The following KATNIP variants were observed in gnomAD, a reference collection of about 807,000 sequenced individuals.
The protein encoded by KATNIP is katanin-interacting protein.
A neutral mutation model predicts 174.0 loss-of-function variants in KATNIP; 126 were observed. That is an observed-to-expected ratio of 0.72 (90% CI 0.63 to 0.84). The LOEUF (loss-of-function observed/expected upper bound fraction) is 0.84. KATNIP is among the 40% of genes least tolerant of loss of function. The pLI, the probability that KATNIP is intolerant of heterozygous loss-of-function variation, is 0.00. For missense variants in KATNIP, 1,958 were observed against 2,109.7 expected (o/e 0.93, Z 1.41); for synonymous variants, 810 against 835.7 (o/e 0.97, Z 0.53).
rs192196045 is a variant in KATNIP, at chr16:27,561,073, G to A, written c.7+10896G>A. ...GTCACCCAGGCTGGAGTGCAGTGGTGTGATCTTGGCTCACTGCAACCTCCG... is the reference window on the plus strand; with the variant it reads ...GTCACCCAGGCTGGAGTGCAGTGGTATGATCTTGGCTCACTGCAACCTCCG... On this transcript the variant is annotated intron_variant, in intron 1 of 27. Transcript: ENST00000261588. Among the ~76,000 whole-genome samples the A allele has an allele frequency of 3.4e-4, 52 of 151,516 alleles. 1 individual carries two copies. The highest frequency in any genetic ancestry group is 1.1e-3 in the African/African-American group (46 of 41,272).
At chr16:27,625,838 T>C (rs2076316245) in intron 3 of KATNIP, among the ~76,000 whole-genome samples, 1 of 151,840 alleles carries the variant, frequency 6.6e-6, no homozygotes, top group Non-Finnish European at 1.5e-5. Context: ...TTCATTTCTT[T>C]TCTTTTTTCT....
In KATNIP at chr16:27,557,860, T is replaced by C. The variant is rs74016092; in HGVS notation, c.7+7683T>C. 3.4e-3 allele frequency among the ~76,000 whole-genome samples: 516 copies of C among 152,354 alleles called. 6 individuals carry two copies. Among genetic ancestry groups the C allele is most frequent in the African/African-American group, 0.012 (490 of 41,578 alleles). On this transcript the variant is annotated intron_variant, in intron 1 of 27. Coordinates refer to ENST00000261588, the MANE Select transcript of KATNIP (RefSeq NM_015202.5). ...CAACATTGAAAAATGAGCAGATTTC[T>C]TATAAATACCTGATTGTGGTATTTT... is the stretch of plus-strand genomic sequence containing the variant.
chr16:27,550,165 C>G lies in KATNIP; in HGVS notation c.-6C>G. 3 of 1,612,492 alleles carry G rather than the reference C, an allele frequency of 1.9e-6. No homozygotes were observed. The highest frequency in any genetic ancestry group is 1.1e-5 in the South Asian group (1 of 90,962). On this transcript the variant is annotated 5_prime_UTR_variant, in exon 1 of 28. Transcript: ENST00000261588. ...GTTCGAGCTCCCGGAACCGCCGCCT[C>G]TAGGGATGGACGGTGAGTGTCTGTG...
chr16:27,704,243 C>G (rs1028694855), intron 12 of KATNIP, among the ~76,000 whole-genome samples: 1 of 152,044 alleles, frequency 6.6e-6, no homozygotes, highest in African/African-American at 2.4e-5. Flanking sequence ...ATATAAATAG[C>G]GTGGAAGCCC....
At chr16:27,695,894 A>G (rs1260435433) in intron 8 of KATNIP, among the ~76,000 whole-genome samples, 1 of 152,220 alleles carries the variant, frequency 6.6e-6, no homozygotes, top group Non-Finnish European at 1.5e-5. Context: ...ATCAATTTAC[A>G]GGCAATTTCA....
chr16:27,765,718 T>G (rs372239106), intron 19 of KATNIP, among the ~76,000 whole-genome samples: 3 of 152,328 alleles, frequency 2.0e-5, no homozygotes, highest in Admixed American at 1.3e-4. Flanking sequence ...GACCCAATTA[T>G]GTTTTTCACT....
intron 22 of KATNIP, among the ~76,000 whole-genome samples, chr16:27,772,230 C>T (rs1282143556): frequency 1.3e-5 from 2 of 152,180 alleles, no homozygotes; most frequent in African/African-American, 2.4e-5. Flanking sequence ...TCTGATTGCA[C>T]CACTGTACTT....
intron 2 of KATNIP, among the ~76,000 whole-genome samples, chr16:27,607,316 A>G (rs1596897955): frequency 6.6e-6 from 1 of 152,284 alleles, no homozygotes; most frequent in Admixed American, 6.5e-5. Context: ...ACCTTCAGAC[A>G]ATTTGCTTCA....
At chr16:27,658,209 G>T (rs773344836) in intron 6 of KATNIP, among the ~76,000 whole-genome samples, 1 of 152,132 alleles carries the variant, frequency 6.6e-6, no homozygotes, top group African/African-American at 2.4e-5. Context: ...ATAATTTGTC[G>T]CAATGTTTGA....
intron 2 of KATNIP, among the ~76,000 whole-genome samples, chr16:27,584,786 C>T (rs941643245): frequency 1.6e-4 from 24 of 150,594 alleles, no homozygotes; most frequent in African/African-American, 5.9e-4. Context: ...AGCGAAATTC[C>T]ATCTCAAAAA....
chr16:27,668,616 C>G (rs756503757), intron 6 of KATNIP, among the ~76,000 whole-genome samples: 1 of 152,242 alleles, frequency 6.6e-6, no homozygotes, highest in Non-Finnish European at 1.5e-5. Flanking sequence ...TACCCTGGGT[C>G]TGCCATTACT....
Position 27,721,349 on chromosome 16 carries a change from G to A in KATNIP, c.1606-209G>A, listed in dbSNP as rs539690994. On this transcript the variant is annotated intron_variant, in intron 13 of 27. Transcript: ENST00000261588. ...TGTGGCAGCTTTGTGCAGGGGGTGG[G>A]ATGGGGTCAGTAGCCTGCTGTGAAG... Among the ~76,000 whole-genome samples, 3 of 152,288 alleles carry A rather than the reference G, an allele frequency of 2.0e-5. No homozygotes were observed. In the South Asian group the frequency reaches 6.2e-4, roughly 32 times the overall value.
intron 6 of KATNIP, among the ~76,000 whole-genome samples, 154 bp downstream of exon 6, chr16:27,648,889 A>G (rs928816671): frequency 6.6e-6 from 1 of 152,148 alleles, no homozygotes; most frequent in African/African-American, 2.4e-5. Flanking sequence ...ACACAGTTTG[A>G]TGAGCAGACC....
rs2082516674 is a variant in KATNIP at position 27,776,841 on chromosome 16, ACCCCAGCCCACGCCTGGCAC to A, written c.4450-76_4450-57del. The A allele has an allele frequency of 2.2e-6, 2 of 928,884 alleles. No individual in the cohort carries two copies. Among genetic ancestry groups the A allele is most frequent in the African/African-American group, 1.6e-5 (1 of 60,998 alleles). The allele number at this position is 928,884 out of a possible 1,614,324, so 57.5% of individuals were successfully genotyped here. On this transcript the variant is annotated intron_variant, in intron 24 of 27. Transcript: ENST00000261588. The surrounding 1 kb of genome is among the most constrained non-coding windows in gnomAD (Gnocchi z 4.7). ...GGCGCTGCCTTGGGCACCACCGCTC[ACCCCAGCCCACGCCTGGCAC>A]CCCCAGCCCAGCCAAGCGCCTCTGT...
chr16:27,635,777 C>T (rs1180400096), intron 5 of KATNIP, among the ~76,000 whole-genome samples: 6 of 152,042 alleles, frequency 3.9e-5, no homozygotes, highest in Non-Finnish European at 8.8e-5. Context: ...AAACTTGCCC[C>T]CAGATAATGG....
intron 6 of KATNIP, among the ~76,000 whole-genome samples, chr16:27,673,866 A>T (rs1228195186): frequency 6.6e-6 from 1 of 152,202 alleles, no homozygotes; most frequent in African/African-American, 2.4e-5. Flanking sequence ...GTCACCTCCA[A>T]GGTACATGAG....
At position 27,628,776 on chromosome 16, in the gene KATNIP, A is replaced by C. The variant is rs138109755; in HGVS notation, c.256A>C (p.Lys86Gln). The change falls in exon 4 of 28, where the codon AAA (lysine) becomes CAA (glutamine). Residue 86 changes from lysine to glutamine, a missense_variant. Physicochemically the swap from Lys to Gln is moderately conservative, Grantham distance 53. Coordinates refer to ENST00000261588, the MANE Select transcript of KATNIP (RefSeq NM_015202.5). The part of the protein sequence containing the change: ...ANSELKSSPR[K>Q]AIHSDFSRSA... ...TTCGGAGCTGAAATCATCACCGCGGAAAGCTATTCACTCTGACTTCTCCAG... is the reference window on the plus strand; with the variant it reads ...TTCGGAGCTGAAATCATCACCGCGGCAAGCTATTCACTCTGACTTCTCCAG... 1.6e-5 allele frequency: 26 copies of C among 1,614,150 alleles called. No homozygotes were observed. Among genetic ancestry groups the C allele is most frequent in the Non-Finnish European group, 2.1e-5 (25 of 1,180,028 alleles).
At chr16:27,603,391 G>A (rs984362877) in intron 2 of KATNIP, among the ~76,000 whole-genome samples, 4 of 152,106 alleles carry the variant, frequency 2.6e-5, no homozygotes, top group African/African-American at 9.7e-5. Flanking sequence ...CTTGGCACAC[G>A]CCCAGGAATG....
In KATNIP at chr16:27,775,152, G is replaced by C. The variant is rs552590903; in HGVS notation, c.4449+68G>C. On this transcript the variant is annotated intron_variant, in intron 24 of 27. Coordinates refer to ENST00000261588, the MANE Select transcript of KATNIP (RefSeq NM_015202.5). ...CGGGCAGGGGGACTTTCTTTCCCTG[G>C]TCTCAGTGACACGTCTTTCTTCCAG... is the stretch of plus-strand genomic sequence containing the variant. 1.6e-5 allele frequency: 25 copies of C among 1,532,734 alleles called. 1 individual carries two copies. The East Asian group carries it at 5.7e-4, about 35-fold the overall frequency. 94.9% of individuals were successfully genotyped at this position (1,532,734 alleles called of 1,614,324 possible).
Sources: gnomAD v4.1 joint callset for allele counts (sites outside exome capture counted in the v4.1 genomes callset) on GRCh38, gnomAD v4.1.1 for gene constraint, Gnocchi (gnomAD v3.1) non-coding constraint, MANE v1.5 for transcripts, NCBI Gene and HGNC (gene_info 2026-07-23, HGNC 2026-07-21) for gene names.